The following SLC35F4 variants were observed in gnomAD, a reference collection of about 807,000 sequenced individuals.
SLC35F4 encodes the protein chromosome 14 open reading frame 36.
SLC35F4 carries 24 observed loss-of-function variants against 44.2 expected under a neutral mutation model. The ratio of observed to expected loss-of-function variants is 0.54; its 90% CI spans 0.39 to 0.76. The LOEUF is 0.76. Among genes scored for constraint, SLC35F4 ranks in the 30% least tolerant of loss-of-function variants. The probability of loss-of-function intolerance (pLI) is 0.00; values close to 1 mark genes in which losing one functional copy is unlikely to be tolerated. For synonymous variants in SLC35F4, 238 were observed against 223.6 expected (o/e 1.06, Z -0.57); for missense variants, 562 against 586.1 (o/e 0.96, Z 0.42).
chr14:57,979,013 G>A (rs1052629746), intron 1 of SLC35F4, among the ~76,000 whole-genome samples: 8 of 152,174 alleles, frequency 5.3e-5, no homozygotes, highest in Non-Finnish European at 1.0e-4. Context: ...ACATCTGCTG[G>A]TCTTATTAAC....
At chr14:57,663,560 C>G (rs1426062279) in intron 1 of SLC35F4, among the ~76,000 whole-genome samples, 1 of 152,164 alleles carries the variant, frequency 6.6e-6, no homozygotes, top group Non-Finnish European at 1.5e-5. Flanking sequence ...AGCACAGAGA[C>G]CACAGAGCCA....
intron 1 of SLC35F4, among the ~76,000 whole-genome samples, chr14:57,929,744 A>T (rs150815894): frequency 0.012 from 1,860 of 152,280 alleles, 20 homozygotes; most frequent in Middle Eastern, 0.058. Flanking sequence ...AGAAAGCCGC[A>T]TGTTATAAAA....
intron 1 of SLC35F4, among the ~76,000 whole-genome samples, chr14:57,736,498 C>T (rs1358525985): frequency 6.6e-6 from 1 of 152,206 alleles, no homozygotes; most frequent in Non-Finnish European, 1.5e-5. Context: ...CATTAGTGGT[C>T]ACAGCGGTCA....
intron 1 of SLC35F4, among the ~76,000 whole-genome samples, chr14:57,647,413 G>T (rs58147819): frequency 6.6e-6 from 1 of 151,814 alleles, no homozygotes; most frequent in African/African-American, 2.4e-5. Context: ...TTGTTGGTTT[G>T]AAGTCTAACA....
chr14:57,908,020 C>T (rs1314201892), intron 1 of SLC35F4, among the ~76,000 whole-genome samples: 1 of 152,154 alleles, frequency 6.6e-6, no homozygotes, highest in South Asian at 2.1e-4. Context: ...TCAACTTCCA[C>T]TTGTAAGTGA....
At chr14:57,902,432 G>T (rs112441851) in intron 1 of SLC35F4, among the ~76,000 whole-genome samples, 3,516 of 151,862 alleles carry the variant, frequency 0.023, 136 homozygotes, top group African/African-American at 0.08. Context: ...ATGTGGTAGC[G>T]CATGCCTGTA....
chr14:57,818,933 T>C (rs939472757), intron 1 of SLC35F4, among the ~76,000 whole-genome samples: 1 of 152,220 alleles, frequency 6.6e-6, no homozygotes, highest in Non-Finnish European at 1.5e-5. Context: ...AGCATCACAT[T>C]GAATGATACA....
At chr14:57,768,938 C>T (rs942320565) in intron 1 of SLC35F4, among the ~76,000 whole-genome samples, 1 of 151,856 alleles carries the variant, frequency 6.6e-6, no homozygotes, top group South Asian at 2.1e-4. Context: ...TTTTTAGTAG[C>T]GATAGGGTTT....
intron 1 of SLC35F4, among the ~76,000 whole-genome samples, chr14:57,858,949 AAATT>A (rs1566910294): frequency 6.6e-6 from 1 of 150,952 alleles, no homozygotes; most frequent in South Asian, 2.1e-4. Context: ...AAAAAAAAAA[AAATT>A]AATTAATTAG....
intron 1 of SLC35F4, among the ~76,000 whole-genome samples, chr14:57,900,767 G>T (rs1377563825): frequency 1.3e-5 from 2 of 152,060 alleles, no homozygotes; most frequent in African/African-American, 4.8e-5. Context: ...AATTTTTGCA[G>T]TCTATCCATC....
At chr14:57,656,303 C>A (rs1452217199) in intron 1 of SLC35F4, among the ~76,000 whole-genome samples, 1 of 150,672 alleles carries the variant, frequency 6.6e-6, no homozygotes. Context: ...CCCCCCACAC[C>A]CCCCACACAC....
chr14:57,893,027 C>T (rs1001852791), intron 1 of SLC35F4, among the ~76,000 whole-genome samples: 53 of 152,146 alleles, frequency 3.5e-4, no homozygotes, highest in African/African-American at 1.3e-3. Flanking sequence ...TAGAACTGGA[C>T]ATTTTTGAAG....
Position 57,589,529 on chromosome 14 carries a change from G to A in SLC35F4, c.290-16C>T. The A allele has an allele frequency of 6.3e-7, 1 of 1,580,250 alleles. No homozygotes were observed. Among genetic ancestry groups the A allele is most frequent in the Middle Eastern group, 1.7e-4 (1 of 5,880 alleles). On this transcript the variant is annotated splice_polypyrimidine_tract_variant and intron_variant, in intron 2 of 7. Coordinates refer to ENST00000556826, the MANE Select transcript of SLC35F4 (RefSeq NM_001306087.2). ...CCATCGTCTGCTGGAAACAGGAAAGGAATACAAATGTGAGGAAAGCAGGTT... is the reference window on the plus strand; with the variant it reads ...CCATCGTCTGCTGGAAACAGGAAAGAAATACAAATGTGAGGAAAGCAGGTT...
chr14:57,585,651 A>G (rs1427463735), intron 3 of SLC35F4, among the ~76,000 whole-genome samples: 1 of 152,188 alleles, frequency 6.6e-6, no homozygotes, highest in Non-Finnish European at 1.5e-5. Context: ...AAATCTCAGG[A>G]CACAAAATCA....
intron 1 of SLC35F4, among the ~76,000 whole-genome samples, chr14:57,627,366 T>C (rs1171828804): frequency 3.9e-5 from 6 of 152,164 alleles, no homozygotes; most frequent in Non-Finnish European, 1.5e-5. Context: ...TACCAGTCCC[T>C]GTTGCAAGCA....
intron 1 of SLC35F4, among the ~76,000 whole-genome samples, chr14:57,626,780 G>A (rs1218381958): frequency 6.6e-6 from 1 of 152,150 alleles, no homozygotes; most frequent in Non-Finnish European, 1.5e-5. Context: ...TACTAAATAT[G>A]TTCTCAGGCA....
intron 1 of SLC35F4, among the ~76,000 whole-genome samples, chr14:57,963,583 A>G (rs1338218550): frequency 6.6e-6 from 1 of 152,074 alleles, no homozygotes; most frequent in African/African-American, 2.4e-5. Flanking sequence ...CGGTCAGCCT[A>G]TCAGTAGTCA....
At chr14:57,941,824 G>A (rs941999446) in intron 1 of SLC35F4, among the ~76,000 whole-genome samples, 2 of 152,094 alleles carry the variant, frequency 1.3e-5, no homozygotes, top group South Asian at 4.1e-4. Context: ...ATAGAGACTA[G>A]CAAAATGCCT....
At chr14:57,924,481 C>T (rs1433658849) in intron 1 of SLC35F4, among the ~76,000 whole-genome samples, 1 of 151,860 alleles carries the variant, frequency 6.6e-6, no homozygotes, top group East Asian at 1.9e-4. Flanking sequence ...CGGAGACTCG[C>T]TCTGTCACCC....
Sources: gnomAD v4.1 joint callset for allele counts (sites outside exome capture counted in the v4.1 genomes callset) on GRCh38, gnomAD v4.1.1 for gene constraint, MANE v1.5 for transcripts, NCBI Gene and HGNC (gene_info 2026-07-23, HGNC 2026-07-21) for gene names.